The following DGKG variants were observed in gnomAD, a reference collection of about 807,000 sequenced individuals.
DGKG encodes DAG kinase gamma.
A neutral mutation model predicts 105.3 loss-of-function variants in DGKG; 78 were observed. The observed-to-expected ratio is 0.74, with a 90% confidence interval of 0.62 to 0.89. The LOEUF (loss-of-function observed/expected upper bound fraction) is 0.89. Ranked by LOEUF, DGKG falls within the 40% of genes least tolerant of loss-of-function variation. The pLI, the probability that DGKG is intolerant of heterozygous loss-of-function variation, is 0.00. For synonymous variants in DGKG, 346 were observed against 367.1 expected (o/e 0.94, Z 0.66); for missense variants, 958 against 1,020.1 (o/e 0.94, Z 0.83).
intron 22 of DGKG, among the ~76,000 whole-genome samples, chr3:186,180,769 CT>C (rs1717322323): frequency 6.6e-6 from 1 of 152,204 alleles, no homozygotes; most frequent in Admixed American, 6.5e-5. Context: ...CAGCTGATCT[CT>C]AGTTCCTCAC....
intron 22 of DGKG, among the ~76,000 whole-genome samples, chr3:186,174,713 C>T (rs1407086116): frequency 6.6e-6 from 1 of 150,720 alleles, no homozygotes; most frequent in African/African-American, 2.4e-5. Context: ...AATCCCACAA[C>T]CATCCAGGTT....
At position 186,272,163 on chromosome 3, in the gene DGKG, TCCCAGTGCCCCTTCCTG is replaced by T. The variant is rs959274344; in HGVS notation, c.999+75_999+91del. On this transcript the variant is annotated intron_variant, in intron 11 of 24. Transcript: ENST00000265022. ...AGGCAGAGAAGGGACTGGATGAAGC[TCCCAGTGCCCCTTCCTG>T]CCCAGGAATCCATGTTGATGGACAT... The T allele has an allele frequency of 5.2e-6, 5 of 969,950 alleles. No individual in the cohort carries two copies. The African/African-American group carries it at 8.1e-5, about 16-fold the overall frequency. The allele number at this position is 969,950 out of a possible 1,614,324, so 60.1% of individuals were successfully genotyped here.
chr3:186,216,667 G>A (rs1719307735), intron 20 of DGKG, among the ~76,000 whole-genome samples: 1 of 152,034 alleles, frequency 6.6e-6, no homozygotes, highest in Non-Finnish European at 1.5e-5. Flanking sequence ...TTCAGGAAAA[G>A]CCTATAGGCA....
chr3:186,285,664 A>ATTCT (rs1434068858), intron 6 of DGKG, among the ~76,000 whole-genome samples: 6 of 146,050 alleles, frequency 4.1e-5, no homozygotes, highest in African/African-American at 1.0e-4. Context: ...TTTTCCTGCT[A>ATTCT]TTCTTTCTTT....
In DGKG at chr3:186,203,521, A is replaced by G. The variant is rs1718577557; in HGVS notation, c.1917+8274T>C. Among the ~76,000 whole-genome samples the G allele has an allele frequency of 6.6e-6, 1 of 152,228 alleles. No individual in the cohort carries two copies. Among genetic ancestry groups the G allele is most frequent in the Non-Finnish European group, 1.5e-5 (1 of 68,034 alleles). ...GGAAAGAAACCGATTAGGAGGAAGC[A>G]GAAAGAAACCAAGTGGTGAGAACCG... On this transcript the variant is annotated intron_variant, in intron 21 of 24. Transcript: ENST00000265022. This position sits in a 1 kb window ranked among gnomAD's most constrained non-coding sequence, Gnocchi z 4.9.
intron 1 of DGKG, among the ~76,000 whole-genome samples, chr3:186,322,471 G>A (rs1258758919): frequency 6.6e-6 from 1 of 152,114 alleles, no homozygotes; most frequent in African/African-American, 2.4e-5. Context: ...ACTACCTACT[G>A]GGTACTATGC....
At position 186,280,113 on chromosome 3, in the gene DGKG, A is replaced by G. The variant is rs532706988; in HGVS notation, c.670-140T>C. On this transcript the variant is annotated intron_variant, in intron 8 of 24. Transcript: ENST00000265022. ...CCCTCCTGTTAAGTGTGAATAGAGC[A>G]GACTGGGAGTGAGGAGGCCAGGCTT... is the stretch of plus-strand genomic sequence containing the variant. 34 of 1,128,986 alleles carry G rather than the reference A, an allele frequency of 3.0e-5. No individual in the cohort carries two copies. In the African/African-American group the frequency reaches 4.9e-4, roughly 16 times the overall value. The allele number at this position is 1,128,986 out of a possible 1,614,324, so 69.9% of individuals were successfully genotyped here. A position where few individuals can be genotyped will look rare whatever the true frequency, so the allele number is the denominator to read the frequency against.
intron 2 of DGKG, chr3:186,313,545 G>A (rs1182390940): frequency 2.0e-6 from 2 of 985,044 alleles, no homozygotes; most frequent in East Asian, 1.1e-4. Context: ...AGACAACTTG[G>A]ACCATCTTGC....
chr3:186,357,679 T>A (rs1727038828), intron 1 of DGKG, among the ~76,000 whole-genome samples: 2 of 152,198 alleles, frequency 1.3e-5, no homozygotes, highest in African/African-American at 4.8e-5. Flanking sequence ...TACCACAACA[T>A]TTACTACCAC....
intron 14 of DGKG, among the ~76,000 whole-genome samples, chr3:186,262,207 C>T (rs1482298247): frequency 1.3e-5 from 2 of 152,150 alleles, no homozygotes; most frequent in African/African-American, 4.8e-5. Flanking sequence ...TGCTCATTTC[C>T]GGCCCCAGTT....
At chr3:186,256,213 T>A (rs1201014568) in intron 17 of DGKG, among the ~76,000 whole-genome samples, 1 of 152,098 alleles carries the variant, frequency 6.6e-6, no homozygotes, top group African/African-American at 2.4e-5. Context: ...CAGGGCTGTG[T>A]CCATGGCAAC....
intron 16 of DGKG, 71 bp downstream of exon 16, chr3:186,260,368 A>G (rs542631174): frequency 8.9e-7 from 1 of 1,124,176 alleles, no homozygotes; most frequent in East Asian, 2.3e-5. Context: ...AAAAGGTGAC[A>G]AAAGAGGCAT....
At chr3:186,235,720 G>T (rs9822031) in intron 20 of DGKG, among the ~76,000 whole-genome samples, 1 of 152,130 alleles carries the variant, frequency 6.6e-6, no homozygotes, top group African/African-American at 2.4e-5. Flanking sequence ...GAGCTTTGTC[G>T]GTTTCTATTT....
Position 186,147,261 on chromosome 3 carries a change from G to A in DGKG, c.*2829C>T. The A allele has an allele frequency of 3.0e-6, 3 of 985,968 alleles. No homozygotes were observed. Among genetic ancestry groups the A allele is most frequent in the Non-Finnish European group, 3.6e-6 (3 of 830,020 alleles). The allele number at this position is 985,968 out of a possible 1,614,324, so 61.1% of individuals were successfully genotyped here. ...AAGCATGGGGGGCAGGTGAGAACATGTTTGTAGCATGGCCAGAATCAGAAT... is the reference window on the plus strand; with the variant it reads ...AAGCATGGGGGGCAGGTGAGAACATATTTGTAGCATGGCCAGAATCAGAAT... On this transcript the variant is annotated 3_prime_UTR_variant, in exon 25 of 25. Transcript: ENST00000265022.
At position 186,353,340 on chromosome 3, in the gene DGKG, G is replaced by GAAACCCCATCTCTATTAA. The variant is rs1258382835; in HGVS notation, c.-249+8588_-249+8605dup. ...AGTTCGAGACCAGCCTGAACATGGT[G>GAAACCCCATCTCTATTAA]AAACCCCATCTCTATTAAAAACACA... On this transcript the variant is annotated intron_variant, in intron 1 of 24. Coordinates refer to ENST00000265022, the MANE Select transcript of DGKG (RefSeq NM_001346.3). Among the ~76,000 whole-genome samples, 7 of 151,986 alleles carry GAAACCCCATCTCTATTAA rather than the reference G, an allele frequency of 4.6e-5. No individual in the cohort carries two copies. The East Asian group carries it at 1.4e-3, about 29-fold the overall frequency.
rs531180496 is a variant in DGKG, at chr3:186,149,559, C to T, written c.*531G>A. On this transcript the variant is annotated 3_prime_UTR_variant, in exon 25 of 25. Coordinates refer to ENST00000265022, the MANE Select transcript of DGKG (RefSeq NM_001346.3). ...ACTCAAAGGACGACCAAGAAACCAACGTGCGCCTGCTGAGCCCTGCCAAGG... is the reference window on the plus strand; with the variant it reads ...ACTCAAAGGACGACCAAGAAACCAATGTGCGCCTGCTGAGCCCTGCCAAGG... 29 of 985,574 alleles carry T rather than the reference C, an allele frequency of 2.9e-5. No homozygotes were observed. The highest frequency in any genetic ancestry group is 2.3e-4 in the African/African-American group (13 of 57,376). The allele number at this position is 985,574 out of a possible 1,614,324, so 61.1% of individuals were successfully genotyped here.
At chr3:186,187,646 G>T (rs1056262870) in intron 22 of DGKG, among the ~76,000 whole-genome samples, 3 of 152,188 alleles carry the variant, frequency 2.0e-5, no homozygotes, top group Non-Finnish European at 2.9e-5. Context: ...TTTAAATAAA[G>T]TCTTATGACT....
intron 17 of DGKG, 57 bp from the exon 18 acceptor site, chr3:186,253,239 A>C: frequency 7.0e-7 from 1 of 1,431,224 alleles, no homozygotes; most frequent in Admixed American, 1.7e-5. Context: ...AGAATGTTTG[A>C]GTTGTCTTTT....
chr3:186,196,237 A>G (rs1199195619), intron 21 of DGKG, among the ~76,000 whole-genome samples: 1 of 151,400 alleles, frequency 6.6e-6, no homozygotes, highest in Non-Finnish European at 1.5e-5. Context: ...TCCCAGGTTC[A>G]AGTGATTCTC....
Sources: gnomAD v4.1 joint callset for allele counts (sites outside exome capture counted in the v4.1 genomes callset) on GRCh38, gnomAD v4.1.1 for gene constraint, Gnocchi (gnomAD v3.1) non-coding constraint, MANE v1.5 for transcripts, NCBI Gene and HGNC (gene_info 2026-07-23, HGNC 2026-07-21) for gene names.